The following PTPRN2 variants were observed in gnomAD, a reference collection of about 807,000 sequenced individuals.
The protein encoded by PTPRN2 is receptor-type tyrosine-protein phosphatase N2.
Under a neutral mutation model 118.8 loss-of-function variants are expected in PTPRN2, and 74 were observed. That is an observed-to-expected ratio of 0.62 (90% CI 0.52 to 0.76). The LOEUF (loss-of-function observed/expected upper bound fraction) is 0.76, where lower values mean the gene tolerates loss of function less well. Among genes scored for constraint, PTPRN2 ranks in the 30% least tolerant of loss-of-function variants. The pLI is 0.00. For synonymous variants in PTPRN2, 641 were observed against 608.0 expected, an observed-to-expected ratio of 1.05 and a Z score of -0.80; for missense variants, 1,481 against 1,394.4, an observed-to-expected ratio of 1.06 and a Z score of -0.99.
At chr7:158,479,939 C>T (rs940473550) in intron 2 of PTPRN2, among the ~76,000 whole-genome samples, 29 of 152,256 alleles carry the variant, frequency 1.9e-4, no homozygotes, top group African/African-American at 6.3e-4. Context: ...ATGACAGCAG[C>T]ACCATGCAAC....
intron 2 of PTPRN2, 26 bp from the exon 3 acceptor site, chr7:158,316,958 A>C (rs1305700903): frequency 1.3e-6 from 2 of 1,541,458 alleles, no homozygotes; most frequent in Non-Finnish European, 1.8e-6. Context: ...GAGATAAGAC[A>C]GAACGAGACG....
rs1267856446 is a variant in PTPRN2, at chr7:157,776,475, C to T, written c.1789-93538G>A. ...CTCCTCCTCCTCCCTCTCCTTCTCCCTCTCCTCCTCCCTCTCCTTCTCCCT... is the reference window on the plus strand; with the variant it reads ...CTCCTCCTCCTCCCTCTCCTTCTCCTTCTCCTCCTCCCTCTCCTTCTCCCT... On this transcript the variant is annotated intron_variant, in intron 12 of 22. Transcript: ENST00000389418. Among the ~76,000 whole-genome samples the T allele has an allele frequency of 6.0e-5, 8 of 133,142 alleles. No homozygotes were observed. The East Asian group carries it at 1.6e-3, about 27-fold the overall frequency. The allele number at this position is 133,142 out of a possible 152,430, so 87.3% of individuals were successfully genotyped here. A position where few individuals can be genotyped will look rare whatever the true frequency, so the allele number is the denominator to read the frequency against.
intron 11 of PTPRN2, among the ~76,000 whole-genome samples, chr7:158,043,765 G>A (rs778675067): frequency 9.9e-5 from 15 of 152,164 alleles, no homozygotes; most frequent in East Asian, 1.9e-4. Flanking sequence ...CTTCCTTCCC[G>A]GCACTGCAGA....
intron 11 of PTPRN2, among the ~76,000 whole-genome samples, chr7:157,941,639 C>T (rs922277792): frequency 8.5e-5 from 13 of 152,224 alleles, no homozygotes; most frequent in Admixed American, 3.3e-4. Context: ...CAGGGACATA[C>T]GTCCATGCAT....
At chr7:158,198,674 C>T (rs1352354812) in intron 4 of PTPRN2, among the ~76,000 whole-genome samples, 1 of 152,054 alleles carries the variant, frequency 6.6e-6, no homozygotes, top group African/African-American at 2.4e-5. Flanking sequence ...CTCAGGTCCT[C>T]CTTAGCCCTT....
intron 2 of PTPRN2, among the ~76,000 whole-genome samples, chr7:158,351,379 G>A (rs1807918303): frequency 6.6e-6 from 1 of 152,084 alleles, no homozygotes; most frequent in Non-Finnish European, 1.5e-5. Context: ...TAATTGTTGG[G>A]CACAGTCTAA....
At chr7:157,563,411 A>C (rs1298490382) in intron 21 of PTPRN2, among the ~76,000 whole-genome samples, 4 of 48,118 alleles carry the variant, frequency 8.3e-5, no homozygotes, top group Admixed American at 3.4e-4. Flanking sequence ...CACCACACAC[A>C]GCAGATCAGG....
At chr7:157,675,402 G>GGGCTCACCCGGGTGTT (rs1585219813) in intron 13 of PTPRN2, among the ~76,000 whole-genome samples, 1 of 152,134 alleles carries the variant, frequency 6.6e-6, no homozygotes, top group Admixed American at 6.5e-5. Flanking sequence ...GACCACACAG[G>GGGCTCACCCGGGTGTT]GGCTCACCCG....
At chr7:158,016,635 T>C (rs1806479295) in intron 11 of PTPRN2, among the ~76,000 whole-genome samples, 1 of 152,224 alleles carries the variant, frequency 6.6e-6, no homozygotes, top group Non-Finnish European at 1.5e-5. Flanking sequence ...GTCAGTTCCG[T>C]GAAACACAAG....
chr7:158,518,877 C>T (rs1334940326), intron 1 of PTPRN2, among the ~76,000 whole-genome samples: 1 of 151,666 alleles, frequency 6.6e-6, no homozygotes, highest in African/African-American at 2.4e-5. Flanking sequence ...CCCAGGTACT[C>T]GGGAGGCTGA....
At chr7:158,387,580 T>TCTC (rs1272056517) in intron 2 of PTPRN2, among the ~76,000 whole-genome samples, 46 of 6,990 alleles carry the variant, frequency 6.6e-3, no homozygotes, top group Middle Eastern at 0.05. Context: ...TCAGCTCAGC[T>TCTC]TGGCCCGGCC....
intron 3 of PTPRN2, among the ~76,000 whole-genome samples, chr7:158,264,005 C>A (rs1797714741): frequency 6.6e-6 from 1 of 152,238 alleles, no homozygotes; most frequent in Non-Finnish European, 1.5e-5. Context: ...TCAAGTCCAA[C>A]TCTACCCCTG....
At chr7:158,304,324 CA>C (rs892364260) in intron 3 of PTPRN2, among the ~76,000 whole-genome samples, 2 of 150,526 alleles carry the variant, frequency 1.3e-5, no homozygotes, top group Admixed American at 1.3e-4. Flanking sequence ...AGGCATCAGA[CA>C]CCCGTCAATA....
chr7:158,324,173 C>A (rs1803284073), intron 2 of PTPRN2, among the ~76,000 whole-genome samples: 1 of 152,174 alleles, frequency 6.6e-6, no homozygotes, highest in Admixed American at 6.5e-5. Context: ...TCCGCATAGA[C>A]AAGACGGCAC....
intron 11 of PTPRN2, 31 bp from the exon 12 acceptor site, chr7:157,898,768 C>A: frequency 1.3e-6 from 2 of 1,556,648 alleles, no homozygotes; most frequent in South Asian, 2.2e-5. Context: ...GCACAAGAGT[C>A]AGGTTGGAGA....
At chr7:158,292,158 A>C (rs1800165538) in intron 3 of PTPRN2, among the ~76,000 whole-genome samples, 1 of 152,128 alleles carries the variant, frequency 6.6e-6, no homozygotes, top group South Asian at 2.1e-4. Flanking sequence ...CTGTGCTGCC[A>C]TCTGGTAAGC....
chr7:157,762,686 T>C (rs1802208505), intron 12 of PTPRN2, among the ~76,000 whole-genome samples: 1 of 151,602 alleles, frequency 6.6e-6, no homozygotes. Flanking sequence ...ATGGCACATG[T>C]ATACATATGT....
At chr7:157,767,730 C>T (rs1802568935) in intron 12 of PTPRN2, among the ~76,000 whole-genome samples, 1 of 152,170 alleles carries the variant, frequency 6.6e-6, no homozygotes, top group South Asian at 2.1e-4. Flanking sequence ...CTCTTAGAAA[C>T]GCTGTGTGTG....
chr7:157,549,438 ATTAAT>A (rs1044169661), intron 21 of PTPRN2, among the ~76,000 whole-genome samples: 1 of 151,850 alleles, frequency 6.6e-6, no homozygotes, highest in African/African-American at 2.4e-5. Context: ...AAAAAATCAG[ATTAAT>A]TTAGATTAAT....
Sources: gnomAD v4.1 joint callset for allele counts (sites outside exome capture counted in the v4.1 genomes callset) on GRCh38, gnomAD v4.1.1 for gene constraint, MANE v1.5 for transcripts, NCBI Gene and HGNC (gene_info 2026-07-23, HGNC 2026-07-21) for gene names.